The following FAM149A variants were observed in gnomAD, a reference collection of about 807,000 sequenced individuals.
FAM149A encodes family with sequence similarity 149 member A.
A neutral mutation model predicts 78.2 loss-of-function variants in FAM149A; 71 were observed. The ratio of observed to expected loss-of-function variants is 0.91; its 90% CI spans 0.75 to 1.11. The LOEUF (loss-of-function observed/expected upper bound fraction) is 1.11. FAM149A is among the 50% of genes least tolerant of loss of function. The pLI is 0.00. For missense variants in FAM149A, 1,036 were observed against 971.0 expected (o/e 1.07, Z -0.89); for synonymous variants, 446 against 410.5 (o/e 1.09, Z -1.04).
At position 186,105,322 on chromosome 4, in the gene FAM149A, C is replaced by T. The variant is rs1353668883; in HGVS notation, c.246C>T (p.Ser82=). 1 of 1,168,214 alleles carries T rather than the reference C, an allele frequency of 8.6e-7. No individual in the cohort carries two copies. Among genetic ancestry groups the T allele is most frequent in the Non-Finnish European group, 1.1e-6 (1 of 939,258 alleles). 72.4% of individuals were successfully genotyped at this position (1,168,214 alleles called of 1,614,324 possible). The change falls in exon 1 of 14, where the codon TCC becomes TCT. Residue 82 remains serine, a synonymous_variant. Transcript: ENST00000389354. ...TCTCCTCCCCCTACTCCCGGGGCTC[C>T]GCCGCCAGCCGCGCCGCGGGAGCAG...
chr4:186,165,469 G>A lies in FAM149A; in HGVS notation c.2010+5G>A. On this transcript the variant is annotated splice_donor_5th_base_variant and intron_variant, in intron 11 of 13. Coordinates refer to ENST00000389354, the MANE Select transcript of FAM149A (RefSeq NM_001367768.3). The stretch of plus-strand genomic sequence containing the variant: ...CCTGGATGCCGCCTTGTTTCTGTAA[G>A]ACAGATTTCATTCTATTTCAGTGGA... The A allele has an allele frequency of 6.2e-7, 1 of 1,614,068 alleles. No homozygotes were observed.
chr4:186,122,073 C>T (rs2099316308), intron 1 of FAM149A, among the ~76,000 whole-genome samples: 1 of 152,132 alleles, frequency 6.6e-6, no homozygotes, highest in Non-Finnish European at 1.5e-5. Context: ...TCACTTGTCT[C>T]AATTATGTCT....
intron 1 of FAM149A, among the ~76,000 whole-genome samples, chr4:186,139,410 G>A (rs879648719): frequency 1.3e-5 from 2 of 152,034 alleles, no homozygotes; most frequent in Non-Finnish European, 2.9e-5. Context: ...TTTAGGAGGC[G>A]ATTAGGTCAT....
intron 3 of FAM149A, chr4:186,151,667 T>A (rs988926997): frequency 6.4e-6 from 6 of 941,718 alleles, no homozygotes; most frequent in Non-Finnish European, 7.6e-6. Flanking sequence ...ATAACTTCCG[T>A]GGCAGAAGTT....
chr4:186,161,333 T>C (rs1734590191), intron 8 of FAM149A, among the ~76,000 whole-genome samples: 1 of 152,114 alleles, frequency 6.6e-6, no homozygotes, highest in East Asian at 1.9e-4. Flanking sequence ...CCGCGATCTT[T>C]GTGAGACTGA....
intron 1 of FAM149A, among the ~76,000 whole-genome samples, chr4:186,124,666 T>A (rs1225405925): frequency 6.6e-6 from 1 of 152,054 alleles, no homozygotes; most frequent in Non-Finnish European, 1.5e-5. Flanking sequence ...TCTATCATTG[T>A]TGCACATTTG....
At chr4:186,159,914 A>AACAC (rs557318081) in intron 8 of FAM149A, among the ~76,000 whole-genome samples, 7 of 149,502 alleles carry the variant, frequency 4.7e-5, no homozygotes, top group African/African-American at 1.5e-4. Flanking sequence ...CATGTCAAAC[A>AACAC]ACACACACAC....
At chr4:186,158,818 T>C in intron 8 of FAM149A, 1 of 1,005,730 alleles carries the variant, frequency 9.9e-7, no homozygotes, top group Non-Finnish European at 1.2e-6. Context: ...GGCCCCTGAA[T>C]GAGGAGGATC....
At chr4:186,142,813 CG>C (rs1024314702) in intron 1 of FAM149A, among the ~76,000 whole-genome samples, 20 of 152,236 alleles carry the variant, frequency 1.3e-4, no homozygotes, top group African/African-American at 4.8e-4. Flanking sequence ...AGCAACCCCA[CG>C]GGGAGCAGAA....
intron 4 of FAM149A, chr4:186,153,200 G>A: frequency 1.1e-6 from 1 of 939,130 alleles, no homozygotes; most frequent in South Asian, 4.9e-5. Flanking sequence ...ATGGAGGGAA[G>A]GTGGGAAAAG....
intron 1 of FAM149A, among the ~76,000 whole-genome samples, chr4:186,137,535 C>T (rs1371314596): frequency 6.6e-6 from 1 of 151,878 alleles, no homozygotes; most frequent in Middle Eastern, 3.2e-3. Context: ...GAAAATTCGG[C>T]AAATCCTAAA....
At chr4:186,137,641 T>C (rs1208402559) in intron 1 of FAM149A, among the ~76,000 whole-genome samples, 1 of 152,118 alleles carries the variant, frequency 6.6e-6, no homozygotes, top group Non-Finnish European at 1.5e-5. Flanking sequence ...CTGGTGGCTT[T>C]CTGGCAATAT....
chr4:186,109,223 T>C (rs2099310217), intron 1 of FAM149A: 1 of 980,756 alleles, frequency 1.0e-6, no homozygotes, highest in African/African-American at 1.7e-5. Flanking sequence ...ATAATTGCTG[T>C]GTATGAATGT....
chr4:186,166,094 T>C (rs1735003004), intron 11 of FAM149A, among the ~76,000 whole-genome samples: 1 of 152,212 alleles, frequency 6.6e-6, no homozygotes, highest in Non-Finnish European at 1.5e-5. Flanking sequence ...GGGGGTGTGC[T>C]GTGGCCAGCA....
rs543737334 is a variant in FAM149A at position 186,152,183 on chromosome 4, G to A, written c.932+138G>A. 1.7e-5 allele frequency: 13 copies of A among 748,940 alleles called. No homozygotes were observed. The African/African-American group carries it at 2.1e-4, about 12-fold the overall frequency. 46.4% of individuals were successfully genotyped at this position (748,940 alleles called of 1,614,324 possible). ...TGGATGCAGAGCGCAGTCCTTCACT[G>A]AGAGATCACTTTCCTCTTACGGCGT... is the stretch of plus-strand genomic sequence containing the variant. On this transcript the variant is annotated intron_variant, in intron 4 of 13. Transcript: ENST00000389354.
chr4:186,108,509 G>A (rs1292442031), intron 1 of FAM149A, among the ~76,000 whole-genome samples: 9 of 151,926 alleles, frequency 5.9e-5, no homozygotes, highest in Non-Finnish European at 1.2e-4. Flanking sequence ...TCCAAGCAAA[G>A]ATGCTGAATA....
intron 1 of FAM149A, among the ~76,000 whole-genome samples, chr4:186,119,135 C>A (rs975271846): frequency 2.0e-5 from 3 of 152,144 alleles, no homozygotes; most frequent in Non-Finnish European, 4.4e-5. Context: ...AACCACGCAC[C>A]TTTTTGGATA....
intron 7 of FAM149A, among the ~76,000 whole-genome samples, chr4:186,156,629 G>C (rs1734049806): frequency 6.6e-6 from 1 of 151,870 alleles, no homozygotes; most frequent in South Asian, 2.1e-4. Flanking sequence ...GCAGTGAGCA[G>C]AGATCACACC....
Position 186,109,162 on chromosome 4 carries a change from T to C in FAM149A, c.566+3520T>C, listed in dbSNP as rs1463415654. 10 of 985,282 alleles carry C rather than the reference T, an allele frequency of 1.0e-5. No individual in the cohort carries two copies. The African/African-American group carries it at 1.2e-4, about 12-fold the overall frequency. The allele number at this position is 985,282 out of a possible 1,614,324, so 61.0% of individuals were successfully genotyped here. On this transcript the variant is annotated intron_variant, in intron 1 of 13. Transcript: ENST00000389354. ...GCGCCCGGCCGGTCTTATTCTCTTA[T>C]TTGTTCTGCAAATGTAAGAATTCCT...
Sources: allele counts gnomAD v4.1 joint callset (sites outside exome capture counted in the v4.1 genomes callset), GRCh38; gene constraint gnomAD v4.1.1; transcripts MANE v1.5; gene names NCBI Gene and HGNC (gene_info 2026-07-23, HGNC 2026-07-21).